Variants in ZNF385D observed in about 807,000 individuals in gnomAD.
ZNF385D encodes zinc finger protein 385D, also known as zinc finger protein 659.
A neutral mutation model predicts 35.8 loss-of-function variants in ZNF385D; 15 were observed. The observed-to-expected ratio is 0.42, with a 90% CI of 0.28 to 0.64. The LOEUF is 0.64. Among genes scored for constraint, ZNF385D ranks in the 30% least tolerant of loss-of-function variants. The pLI, the probability that ZNF385D is intolerant of heterozygous loss-of-function variation, is 0.23. For synonymous variants in ZNF385D, 212 were observed against 186.8 expected (o/e 1.13, Z -1.10); for missense variants, 474 against 494.6 (o/e 0.96, Z 0.39).
chr3:21,950,633 C>G (rs898962865), intron 3 of ZNF385D, among the ~76,000 whole-genome samples: 2 of 151,708 alleles, frequency 1.3e-5, no homozygotes, highest in African/African-American at 2.4e-5. Flanking sequence ...TGCCCATGTC[C>G]TAAATGGTAT....
chr3:21,669,358 T>C (rs1404235340), intron 1 of ZNF385D, among the ~76,000 whole-genome samples: 2 of 152,316 alleles, frequency 1.3e-5, no homozygotes, highest in East Asian at 1.9e-4. Flanking sequence ...TGTTAGCATA[T>C]GTTTAGAATT....
chr3:21,822,076 T>G (rs1296124923), intron 3 of ZNF385D, among the ~76,000 whole-genome samples: 1 of 152,066 alleles, frequency 6.6e-6, no homozygotes, highest in Non-Finnish European at 1.5e-5. Flanking sequence ...TTAAAATAAT[T>G]TTTTTTCTTT....
intron 3 of ZNF385D, among the ~76,000 whole-genome samples, chr3:21,861,767 T>C (rs2125830902): frequency 6.6e-6 from 1 of 152,276 alleles, no homozygotes; most frequent in South Asian, 2.1e-4. Flanking sequence ...TGCTTTGTCT[T>C]ACCCAATCAG....
intron 4 of ZNF385D, among the ~76,000 whole-genome samples, chr3:21,478,014 C>T (rs1051332514): frequency 1.3e-5 from 2 of 152,088 alleles, no homozygotes; most frequent in African/African-American, 4.8e-5. Flanking sequence ...ATTAAAATGT[C>T]CTTGGCTTAC....
At chr3:21,828,018 G>A (rs1408532397) in intron 3 of ZNF385D, among the ~76,000 whole-genome samples, 7 of 152,180 alleles carry the variant, frequency 4.6e-5, no homozygotes, top group Admixed American at 4.6e-4. Flanking sequence ...CAGAGTTTAT[G>A]CATTTTCTTC....
rs111278809 is a variant in ZNF385D, at chr3:21,751,062, C to T, written c.-146G>A. On this transcript the variant is annotated 5_prime_UTR_variant, in exon 1 of 8. Coordinates refer to ENST00000281523, the MANE Select transcript of ZNF385D (RefSeq NM_024697.3). The stretch of plus-strand genomic sequence containing the variant: ...GTGAGCGCCGAGAGCGTGCCTCCTC[C>T]GCGGGATGAGCGCCTTGCAGGCTGC... 6.5e-6 allele frequency: 10 copies of T among 1,529,242 alleles called. No individual in the cohort carries two copies. The highest frequency in any genetic ancestry group is 2.7e-5 in the African/African-American group (2 of 72,896). 94.7% of individuals were successfully genotyped at this position (1,529,242 alleles called of 1,614,324 possible). A position where few individuals can be genotyped will look rare whatever the true frequency, so the allele number is the denominator to read the frequency against.
At chr3:21,742,209 C>G (rs2069548842) in intron 1 of ZNF385D, among the ~76,000 whole-genome samples, 1 of 152,170 alleles carries the variant, frequency 6.6e-6, no homozygotes, top group Non-Finnish European at 1.5e-5. Context: ...GTATTAAGTA[C>G]TGATGCAAAG....
chr3:21,872,018 C>T (rs536353940), intron 3 of ZNF385D, among the ~76,000 whole-genome samples: 115 of 152,032 alleles, frequency 7.6e-4, no homozygotes, highest in Admixed American at 1.2e-3. Context: ...AATACCCCAT[C>T]ATTTTATTTA....
intron 3 of ZNF385D, among the ~76,000 whole-genome samples, chr3:21,841,858 CTT>C (rs200928644): frequency 6.6e-6 from 1 of 151,450 alleles, no homozygotes; most frequent in African/African-American, 2.4e-5. Flanking sequence ...TGCCTTTATA[CTT>C]TTTTTGTTTC....
At chr3:22,174,315 T>C (rs1479612012) in intron 2 of ZNF385D, among the ~76,000 whole-genome samples, 1 of 152,150 alleles carries the variant, frequency 6.6e-6, no homozygotes, top group African/African-American at 2.4e-5. Flanking sequence ...ATCTGATGCC[T>C]TGTCAAAGTG....
chr3:22,184,337 C>T (rs890755414), intron 2 of ZNF385D, among the ~76,000 whole-genome samples: 14 of 152,040 alleles, frequency 9.2e-5, no homozygotes, highest in African/African-American at 3.4e-4. Flanking sequence ...TAAAATATAT[C>T]TTAAAAATTT....
At chr3:22,032,050 T>G (rs2125482989) in intron 3 of ZNF385D, among the ~76,000 whole-genome samples, 1 of 152,364 alleles carries the variant, frequency 6.6e-6, no homozygotes, top group East Asian at 1.9e-4. Context: ...GAGTGACCTT[T>G]GCTCCAGTTC....
At chr3:22,152,323 C>T (rs1705290938) in intron 3 of ZNF385D, among the ~76,000 whole-genome samples, 1 of 152,114 alleles carries the variant, frequency 6.6e-6, no homozygotes, top group Non-Finnish European at 1.5e-5. Flanking sequence ...ACTTGCTTGA[C>T]CTCATACCAC....
At chr3:22,125,091 G>C (rs926390010) in intron 3 of ZNF385D, among the ~76,000 whole-genome samples, 2 of 151,992 alleles carry the variant, frequency 1.3e-5, no homozygotes, top group Admixed American at 6.6e-5. Flanking sequence ...ATTTTATTCT[G>C]TATGGGAAAA....
At chr3:21,547,624 T>G (rs966417082) in intron 3 of ZNF385D, among the ~76,000 whole-genome samples, 2 of 151,628 alleles carry the variant, frequency 1.3e-5, no homozygotes, top group African/African-American at 4.8e-5. Context: ...TGTTTTGTTT[T>G]TTTTTTTTTG....
At chr3:21,981,418 G>GT (rs1559815721) in intron 3 of ZNF385D, among the ~76,000 whole-genome samples, 1 of 151,976 alleles carries the variant, frequency 6.6e-6, no homozygotes, top group Non-Finnish European at 1.5e-5. Context: ...GAGGCTATTT[G>GT]TTTTTCTCTT....
intron 3 of ZNF385D, among the ~76,000 whole-genome samples, chr3:21,551,932 T>A (rs1430480581): frequency 6.6e-6 from 1 of 152,048 alleles, no homozygotes; most frequent in African/African-American, 2.4e-5. Flanking sequence ...TATAAAAGTT[T>A]AGAGGGAAAG....
intron 3 of ZNF385D, among the ~76,000 whole-genome samples, chr3:21,999,750 T>C (rs1169058776): frequency 6.2e-5 from 9 of 144,400 alleles, no homozygotes; most frequent in Admixed American, 6.2e-4. Context: ...AAGTAGTTCT[T>C]GTAAAATACC....
At chr3:21,526,710 G>A (rs916114953) in intron 3 of ZNF385D, among the ~76,000 whole-genome samples, 3 of 152,106 alleles carry the variant, frequency 2.0e-5, no homozygotes, top group Non-Finnish European at 4.4e-5. Flanking sequence ...TGTCATACAA[G>A]ACAGGACAAT....
Sources: gnomAD v4.1 joint callset for allele counts (sites outside exome capture counted in the v4.1 genomes callset) on GRCh38, gnomAD v4.1.1 for gene constraint, MANE v1.5 for transcripts, NCBI Gene and HGNC (gene_info 2026-07-23, HGNC 2026-07-21) for gene names.